The following PTPRG variants were observed in gnomAD, a reference collection of about 807,000 sequenced individuals.
PTPRG encodes protein tyrosine phosphatase receptor type G, also known as receptor-type tyrosine-protein phosphatase gamma.
In PTPRG, 102 loss-of-function variants were observed where a neutral mutation model predicts 165.3. The ratio of observed to expected loss-of-function variants is 0.62; its 90% CI spans 0.53 to 0.73. The LOEUF (loss-of-function observed/expected upper bound fraction) is 0.73, where lower values mean the gene tolerates loss of function less well. Ranked by LOEUF, PTPRG falls within the 30% of genes least tolerant of loss-of-function variation. PTPRG has a pLI of 0.00. For missense variants in PTPRG, 1,866 were observed against 1,861.4 expected (o/e 1.00, Z -0.05); for synonymous variants, 675 against 669.5 (o/e 1.01, Z -0.13).
At chr3:61,927,147 T>C (rs2039234582) in intron 2 of PTPRG, among the ~76,000 whole-genome samples, 1 of 152,324 alleles carries the variant, frequency 6.6e-6, no homozygotes, top group South Asian at 2.1e-4. Context: ...TTTTGTTCTG[T>C]TCATTTGATC....
intron 4 of PTPRG, among the ~76,000 whole-genome samples, chr3:62,054,160 A>G (rs1700554964): frequency 6.6e-6 from 1 of 152,182 alleles, no homozygotes; most frequent in Admixed American, 6.5e-5. Flanking sequence ...CTGCTATTGT[A>G]GTCCCAATTG....
At chr3:61,657,780 G>A (rs939103) in intron 1 of PTPRG, among the ~76,000 whole-genome samples, 1 of 152,348 alleles carries the variant, frequency 6.6e-6, no homozygotes, top group East Asian at 1.9e-4. Context: ...GAGTTCCCAC[G>A]CTTAAAAAGT....
intron 1 of PTPRG, among the ~76,000 whole-genome samples, chr3:61,590,021 C>G (rs904148013): frequency 1.3e-5 from 2 of 152,036 alleles, no homozygotes; most frequent in Admixed American, 6.6e-5. Flanking sequence ...CAGACTGATG[C>G]TTTCCGAGAC....
At chr3:62,158,309 C>A (rs913609622) in intron 7 of PTPRG, among the ~76,000 whole-genome samples, 9 of 152,202 alleles carry the variant, frequency 5.9e-5, no homozygotes, top group African/African-American at 2.2e-4. Context: ...TGTCAAATTT[C>A]TTCTGCATTA....
chr3:61,692,908 G>T (rs2030315334), intron 1 of PTPRG, among the ~76,000 whole-genome samples: 1 of 152,146 alleles, frequency 6.6e-6, no homozygotes, highest in Non-Finnish European at 1.5e-5. Context: ...CATGACAAAA[G>T]TTGGCTACTT....
intron 5 of PTPRG, among the ~76,000 whole-genome samples, chr3:62,079,258 C>A (rs1701489686): frequency 6.6e-6 from 1 of 152,114 alleles, no homozygotes; most frequent in Non-Finnish European, 1.5e-5. Context: ...TCCCTTTTCT[C>A]AAGGGAGATA....
rs2040512709 is a variant in PTPRG, at chr3:61,976,621, T to C, written c.191-13004T>C. Among the ~76,000 whole-genome samples, 3 of 152,180 alleles carry C rather than the reference T, an allele frequency of 2.0e-5. No homozygotes were observed. The South Asian group carries it at 6.2e-4, about 32-fold the overall frequency. Reference sequence around the variant, plus strand: ...CTCATTTTTAGTTTCAAATGAAGTATTTGTTTTAATATGGATCTGATATAA... The same window carrying C: ...CTCATTTTTAGTTTCAAATGAAGTACTTGTTTTAATATGGATCTGATATAA... On this transcript the variant is annotated intron_variant, in intron 2 of 29. Transcript: ENST00000474889.
At chr3:61,788,167 C>G (rs577248475) in intron 2 of PTPRG, among the ~76,000 whole-genome samples, 3 of 152,062 alleles carry the variant, frequency 2.0e-5, no homozygotes, top group African/African-American at 7.2e-5. Context: ...TCAGCATCAA[C>G]GTGTGCTGCA....
rs113328712 is a variant in PTPRG at position 61,581,947 on chromosome 3, T to C, written c.85+19575T>C. 3.4e-3 allele frequency among the ~76,000 whole-genome samples: 517 copies of C among 151,852 alleles called. 6 individuals carry two copies. Among genetic ancestry groups the C allele is most frequent in the African/African-American group, 0.012 (503 of 41,400 alleles). ...TATCTTGGCATGTACTGTACTCTTATTTTATTTTGTTTTGTTTTATTTTTA... is the reference window on the plus strand; with the variant it reads ...TATCTTGGCATGTACTGTACTCTTACTTTATTTTGTTTTGTTTTATTTTTA... On this transcript the variant is annotated intron_variant, in intron 1 of 29. Coordinates refer to ENST00000474889, the MANE Select transcript of PTPRG (RefSeq NM_002841.4).
chr3:61,985,789 A>G (rs181580310), intron 2 of PTPRG, among the ~76,000 whole-genome samples: 4 of 152,336 alleles, frequency 2.6e-5, no homozygotes, highest in African/African-American at 9.6e-5. Context: ...AAAAATGATG[A>G]TGCTTCGCAG....
At chr3:61,778,032 G>C (rs1294907006) in intron 2 of PTPRG, among the ~76,000 whole-genome samples, 5 of 152,112 alleles carry the variant, frequency 3.3e-5, no homozygotes, top group Admixed American at 3.3e-4. Context: ...AGGATACTTG[G>C]AGGCCTGCCC....
At chr3:61,887,170 A>ATATATTTTTTTT (rs60282456) in intron 2 of PTPRG, among the ~76,000 whole-genome samples, 4 of 115,522 alleles carry the variant, frequency 3.5e-5, no homozygotes, top group African/African-American at 1.3e-4. Flanking sequence ...ATATATATAT[A>ATATATTTTTTTT]TTTTTAATGC....
At chr3:61,968,417 A>G (rs893461860) in intron 2 of PTPRG, among the ~76,000 whole-genome samples, 4 of 152,182 alleles carry the variant, frequency 2.6e-5, no homozygotes, top group Non-Finnish European at 5.9e-5. Context: ...CCATCTGTGC[A>G]TAACTGTTCC....
intron 4 of PTPRG, among the ~76,000 whole-genome samples, chr3:62,067,868 C>T (rs1362869085): frequency 6.6e-6 from 1 of 152,088 alleles, no homozygotes; most frequent in Admixed American, 6.5e-5. Context: ...AGAGTGACAA[C>T]CAAAAATGTC....
intron 2 of PTPRG, among the ~76,000 whole-genome samples, chr3:61,815,424 A>G (rs943079308): frequency 6.6e-6 from 1 of 152,106 alleles, no homozygotes; most frequent in Non-Finnish European, 1.5e-5. Context: ...AAAAATAAAA[A>G]TAAAAGAAAT....
In PTPRG at chr3:62,273,034, T is replaced by C; in HGVS notation, c.3271T>C (p.Phe1091Leu). Residue 1091 changes from phenylalanine to leucine, a missense_variant, in exon 22 of 30, where the codon TTC (phenylalanine) becomes CTC (leucine). Coordinates refer to ENST00000474889, the MANE Select transcript of PTPRG (RefSeq NM_002841.4). This position sits in a 1 kb window ranked among gnomAD's most constrained non-coding sequence, Gnocchi z 4.1. ...CAAAAGCACAGTTAACGTCCTGGGATTCCTGAAGCATATCAGGACACAGCG... is the reference window on the plus strand; with the variant it reads ...CAAAAGCACAGTTAACGTCCTGGGACTCCTGAAGCATATCAGGACACAGCG... ...KDKSTVNVLG[F>L]LKHIRTQRNY... 6.2e-7 allele frequency: 1 copy of C among 1,613,830 alleles called. No individual in the cohort carries two copies.
intron 1 of PTPRG, among the ~76,000 whole-genome samples, chr3:61,649,780 C>T (rs1359727075): frequency 6.6e-6 from 1 of 152,190 alleles, no homozygotes; most frequent in Non-Finnish European, 1.5e-5. Flanking sequence ...TATAGATGCA[C>T]AGACTGACAC....
intron 2 of PTPRG, among the ~76,000 whole-genome samples, chr3:61,890,171 A>G (rs965892028): frequency 5.9e-5 from 9 of 152,196 alleles, no homozygotes; most frequent in African/African-American, 2.2e-4. Flanking sequence ...TTGAAACTCA[A>G]TTATTATCCT....
At chr3:62,182,697 G>A (rs1051156496) in intron 8 of PTPRG, among the ~76,000 whole-genome samples, 1 of 152,212 alleles carries the variant, frequency 6.6e-6, no homozygotes, top group Non-Finnish European at 1.5e-5. Flanking sequence ...GTCTCGCTCT[G>A]TCGCCAGGCT....
Sources: allele counts gnomAD v4.1 joint callset (sites outside exome capture counted in the v4.1 genomes callset), GRCh38; gene constraint gnomAD v4.1.1; non-coding constraint Gnocchi (gnomAD v3.1); transcripts MANE v1.5; gene names NCBI Gene and HGNC (gene_info 2026-07-23, HGNC 2026-07-21).